SH3PXD2A: variants seen among roughly 807,000 people sequenced by gnomAD.
The protein encoded by SH3PXD2A is SH3 and PX domain-containing protein 2A.
A neutral mutation model predicts 115.2 loss-of-function variants in SH3PXD2A; 32 were observed. The ratio of observed to expected loss-of-function variants is 0.28; its 90% CI spans 0.21 to 0.37. SH3PXD2A has a LOEUF of 0.37. Ranked by LOEUF, SH3PXD2A falls within the 10% of genes least tolerant of loss-of-function variation. The pLI is 1.00. For missense variants in SH3PXD2A, 1,328 were observed against 1,498.7 expected (o/e 0.89, Z 1.88); for synonymous variants, 610 against 629.1 (o/e 0.97, Z 0.45).
chr10:103,812,144 C>T (rs1379759323), intron 1 of SH3PXD2A, among the ~76,000 whole-genome samples: 1 of 152,216 alleles, frequency 6.6e-6, no homozygotes, highest in Admixed American at 6.5e-5. Flanking sequence ...GCGGTTGGAC[C>T]TTTGTACCTT....
chr10:103,846,946 T>C (rs987064308), intron 1 of SH3PXD2A, among the ~76,000 whole-genome samples: 2 of 152,232 alleles, frequency 1.3e-5, no homozygotes, highest in Non-Finnish European at 2.9e-5. Context: ...CTGTCACCTG[T>C]ACAGTATGGA....
intron 12 of SH3PXD2A, among the ~76,000 whole-genome samples, chr10:103,611,975 C>G (rs578101590): frequency 7.2e-5 from 11 of 152,270 alleles, no homozygotes; most frequent in African/African-American, 2.2e-4. Flanking sequence ...CTGTTTTTTG[C>G]TTACTATTAA....
intron 1 of SH3PXD2A, among the ~76,000 whole-genome samples, chr10:103,836,555 C>T (rs2039542987): frequency 6.6e-6 from 1 of 151,598 alleles, no homozygotes; most frequent in Admixed American, 6.6e-5. Context: ...CATATACAGA[C>T]ACATCCATAC....
At chr10:103,830,035 C>T (rs995354202) in intron 1 of SH3PXD2A, among the ~76,000 whole-genome samples, 1 of 152,360 alleles carries the variant, frequency 6.6e-6, no homozygotes, top group South Asian at 2.1e-4. Context: ...GAAGCAATAC[C>T]TCTCAGGGGC....
chr10:103,711,056 C>T (rs1260403578), intron 5 of SH3PXD2A, among the ~76,000 whole-genome samples: 2 of 152,078 alleles, frequency 1.3e-5, no homozygotes, highest in Non-Finnish European at 2.9e-5. Context: ...TAATAAAAAA[C>T]GGTTGCCCCA....
chr10:103,692,908 G>T (rs1811056117), intron 6 of SH3PXD2A, 120 bp downstream of exon 6: 1 of 819,518 alleles, frequency 1.2e-6, no homozygotes, highest in Admixed American at 2.1e-5. Context: ...GGACCCGTAG[G>T]CTGGCGTGCA....
rs1328983018 is a variant in SH3PXD2A at position 103,609,142 on chromosome 10, TGAGA to T, written c.1308+2435_1308+2438del. 11 of 133,892 alleles carry T rather than the reference TGAGA, an allele frequency of 8.2e-5. No homozygotes were observed. The Admixed American group carries it at 9.0e-4, about 11-fold the overall frequency. 8.3% of individuals were successfully genotyped at this position (133,892 alleles called of 1,614,324 possible). ...CTGCACTCCAGCCCAACTGACAGAG[TGAGA>T]CTCTGTCTCTGAAAAAAAAAAAAAA... On this transcript the variant is annotated intron_variant, in intron 13 of 14. Transcript: ENST00000369774.
chr10:103,810,421 T>C (rs1017631047), intron 1 of SH3PXD2A, among the ~76,000 whole-genome samples: 10 of 152,150 alleles, frequency 6.6e-5, no homozygotes, highest in Non-Finnish European at 1.2e-4. Flanking sequence ...AGATGAGTAA[T>C]GGAGTGCCGA....
chr10:103,802,562 T>G (rs546483154), intron 1 of SH3PXD2A, among the ~76,000 whole-genome samples: 27 of 152,310 alleles, frequency 1.8e-4, no homozygotes, highest in African/African-American at 6.3e-4. Context: ...CTTCCCACTA[T>G]TTCTGTCCTT....
intron 2 of SH3PXD2A, among the ~76,000 whole-genome samples, chr10:103,769,171 TGTGTGTGTGTGCGC>T (rs1230410076): frequency 1.9e-5 from 2 of 105,234 alleles, no homozygotes; most frequent in East Asian, 2.4e-4. Flanking sequence ...TGTGTGTGTG[TGTGTGTGTGTGCGC>T]GCGCGCGCGC....
At chr10:103,838,757 G>A (rs534939639) in intron 1 of SH3PXD2A, among the ~76,000 whole-genome samples, 36 of 152,330 alleles carry the variant, frequency 2.4e-4, no homozygotes, top group African/African-American at 7.7e-4. Context: ...GTGTGCCCAC[G>A]GCGGCATCTG....
rs553553173 is a variant in SH3PXD2A, at chr10:103,616,717, G to A, written c.920+480C>T. 5.8e-4 allele frequency among the ~76,000 whole-genome samples: 89 copies of A among 152,316 alleles called. No homozygotes were observed. In the East Asian group the frequency reaches 0.016, roughly 28 times the overall value. On this transcript the variant is annotated intron_variant, in intron 11 of 14. Coordinates refer to ENST00000369774, the MANE Select transcript of SH3PXD2A (RefSeq NM_001394015.1). The stretch of plus-strand genomic sequence containing the variant: ...ATCCACCAGGGACGTGGCTGCAAGA[G>A]GCCTGCACCTGCACCCGCCCCCGCC...
intron 4 of SH3PXD2A, among the ~76,000 whole-genome samples, chr10:103,733,090 G>A (rs568164107): frequency 3.3e-5 from 5 of 151,196 alleles, no homozygotes; most frequent in African/African-American, 9.7e-5. Flanking sequence ...GTAAATCACC[G>A]CCTGTGAGAT....
chr10:103,832,662 C>T (rs1294070131), intron 1 of SH3PXD2A, among the ~76,000 whole-genome samples: 1 of 152,134 alleles, frequency 6.6e-6, no homozygotes, highest in Non-Finnish European at 1.5e-5. Context: ...GACAAAAAAC[C>T]AAACATCGCA....
At chr10:103,806,490 CAGGTGACAGGGAA>C (rs1396147763) in intron 1 of SH3PXD2A, among the ~76,000 whole-genome samples, 1 of 152,116 alleles carries the variant, frequency 6.6e-6, no homozygotes, top group African/African-American at 2.4e-5. Flanking sequence ...AGAGAAAGAA[CAGGTGACAGGGAA>C]GGGGGACAGG....
intron 10 of SH3PXD2A, among the ~76,000 whole-genome samples, chr10:103,617,616 G>C (rs1011582652): frequency 2.6e-5 from 4 of 152,228 alleles, no homozygotes; most frequent in Admixed American, 2.0e-4. Flanking sequence ...CGGCCAGGCT[G>C]CCGGGACCTT....
chr10:103,826,227 C>T (rs2039429396), intron 1 of SH3PXD2A, among the ~76,000 whole-genome samples: 1 of 152,136 alleles, frequency 6.6e-6, no homozygotes. Context: ...CCCATGTTTG[C>T]TCAGGTCACC....
At chr10:103,785,449 G>A (rs993154890) in intron 2 of SH3PXD2A, among the ~76,000 whole-genome samples, 1 of 152,148 alleles carries the variant, frequency 6.6e-6, no homozygotes, top group Non-Finnish European at 1.5e-5. Flanking sequence ...CTCTCCGGGG[G>A]TAGCCTGAGT....
intron 2 of SH3PXD2A, among the ~76,000 whole-genome samples, chr10:103,774,881 G>A (rs2038863247): frequency 6.6e-6 from 1 of 152,188 alleles, no homozygotes; most frequent in Non-Finnish European, 1.5e-5. Context: ...CCTTACTTTA[G>A]GGTCTTACTT....
Sources: gnomAD v4.1 joint callset for allele counts (sites outside exome capture counted in the v4.1 genomes callset) on GRCh38, gnomAD v4.1.1 for gene constraint, MANE v1.5 for transcripts, NCBI Gene and HGNC (gene_info 2026-07-23, HGNC 2026-07-21) for gene names.